CREB5: variants seen among roughly 807,000 people sequenced by gnomAD.
CREB5 encodes cyclic AMP-responsive element-binding protein 5.
CREB5 carries 19 observed loss-of-function variants against 57.1 expected under a neutral mutation model. The observed-to-expected ratio is 0.33, with a 90% CI of 0.23 to 0.49. The LOEUF (loss-of-function observed/expected upper bound fraction) is 0.49, where lower values mean the gene tolerates loss of function less well. CREB5 is among the 20% of genes least tolerant of loss of function. The pLI, the probability that CREB5 is intolerant of heterozygous loss-of-function variation, is 0.99. For synonymous variants in CREB5, 238 were observed against 238.3 expected (o/e 1.00, Z 0.01); for missense variants, 579 against 671.6 (o/e 0.86, Z 1.52).
rs373566279 is a variant in CREB5 at position 28,588,325 on chromosome 7, A to G, written c.464+17788A>G. ...CTTACTACATCAGATCCCATGTATT[A>G]TAGTTACATGGGGTTTGTTTCCACA... On this transcript the variant is annotated intron_variant, in intron 5 of 10. Coordinates refer to ENST00000357727, the MANE Select transcript of CREB5 (RefSeq NM_182898.4). Among the ~76,000 whole-genome samples the G allele has an allele frequency of 2.6e-5, 4 of 152,322 alleles. No homozygotes were observed. In the East Asian group the frequency reaches 7.7e-4, roughly 29 times the overall value.
rs1424611401 is a variant in CREB5 at position 28,807,573 on chromosome 7, T to A, written c.1027-1614T>A. 3.3e-5 allele frequency among the ~76,000 whole-genome samples: 5 copies of A among 152,210 alleles called. No individual in the cohort carries two copies. In the East Asian group the frequency reaches 7.7e-4, roughly 23 times the overall value. ...TGATAGAGTTTTGGATTAAAATACA[T>A]CACCATCAGTCAACTGATGTCAACC... On this transcript the variant is annotated intron_variant, in intron 8 of 10. Coordinates refer to ENST00000357727, the MANE Select transcript of CREB5 (RefSeq NM_182898.4).
chr7:28,556,818 G>C (rs1032125193), intron 4 of CREB5, among the ~76,000 whole-genome samples: 1 of 152,166 alleles, frequency 6.6e-6, no homozygotes, highest in Non-Finnish European at 1.5e-5. Flanking sequence ...ATCACTGCAG[G>C]TTCCAGGAAG....
chr7:28,411,850 G>T (rs1787818392), upstream of CREB5, among the ~76,000 whole-genome samples: 1 of 152,134 alleles, frequency 6.6e-6, no homozygotes, highest in African/African-American at 2.4e-5. Flanking sequence ...TCTGTGGCAG[G>T]ATTTAGTATT....
chr7:28,602,528 A>G (rs1796960116), intron 5 of CREB5, among the ~76,000 whole-genome samples: 1 of 152,230 alleles, frequency 6.6e-6, no homozygotes, highest in Non-Finnish European at 1.5e-5. Context: ...TTATTCAGCA[A>G]TGAAAAGTAA....
Position 28,819,062 on chromosome 7 carries a change from G to T in CREB5, c.1364-54G>T, listed in dbSNP as rs1809607696. ...GGAGTCCACAAGTCCATACAAAAAA[G>T]ACCTATATTGGTGTGTGTGTATGTG... On this transcript the variant is annotated intron_variant, in intron 10 of 10. Transcript: ENST00000357727. 16 of 1,549,730 alleles carry T rather than the reference G, an allele frequency of 1.0e-5. No homozygotes were observed. In the South Asian group the frequency reaches 1.6e-4, roughly 16 times the overall value.
intron 7 of CREB5, among the ~76,000 whole-genome samples, chr7:28,762,251 G>T (rs1805702510): frequency 6.6e-6 from 1 of 152,092 alleles, no homozygotes; most frequent in Non-Finnish European, 1.5e-5. Flanking sequence ...TAAATCTGAA[G>T]ATAAAATAAA....
chr7:28,342,086 A>G (rs1201886824), intron 1 of CREB5, among the ~76,000 whole-genome samples: 3 of 152,228 alleles, frequency 2.0e-5, no homozygotes, highest in Non-Finnish European at 4.4e-5. Flanking sequence ...CAGCACCTGG[A>G]CAGTCTTGAA....
At chr7:28,608,106 C>G (rs1050647449) in intron 5 of CREB5, among the ~76,000 whole-genome samples, 1 of 34,030 alleles carries the variant, frequency 2.9e-5, no homozygotes, top group Non-Finnish European at 5.2e-5. Context: ...CTCTCTCTCT[C>G]TCTCTCTCAC....
chr7:28,366,230 G>A (rs1012608752), intron 1 of CREB5, among the ~76,000 whole-genome samples: 1 of 151,956 alleles, frequency 6.6e-6, no homozygotes, highest in Admixed American at 6.6e-5. Flanking sequence ...TTCCTATAAG[G>A]CTCTGTAAGT....
chr7:28,657,101 A>C (rs1799361056), intron 5 of CREB5, among the ~76,000 whole-genome samples: 1 of 152,140 alleles, frequency 6.6e-6, no homozygotes, highest in South Asian at 2.1e-4. Context: ...TCCTGAAAAT[A>C]CACCTGTCCA....
chr7:28,517,109 C>A (rs1175089752), intron 4 of CREB5, among the ~76,000 whole-genome samples: 1 of 152,174 alleles, frequency 6.6e-6, no homozygotes, highest in African/African-American at 2.4e-5. Flanking sequence ...AAACAGCATT[C>A]ACATTTGGAA....
At chr7:28,685,622 A>C (rs1800841121) in intron 5 of CREB5, among the ~76,000 whole-genome samples, 1 of 145,224 alleles carries the variant, frequency 6.9e-6, no homozygotes. Flanking sequence ...CCATCTCTAC[A>C]CGTGTCTTGA....
At chr7:28,557,325 G>A (rs1311834434) in intron 4 of CREB5, among the ~76,000 whole-genome samples, 1 of 152,102 alleles carries the variant, frequency 6.6e-6, no homozygotes. Flanking sequence ...AAAAATTAAG[G>A]AATATGATAG....
At chr7:28,600,769 G>C (rs167459) in intron 5 of CREB5, among the ~76,000 whole-genome samples, 147,975 of 152,300 alleles carry the variant, frequency 0.97, 71,985 homozygotes, top group Middle Eastern at 0.99. Context: ...CTGGAGCTAT[G>C]AAAAAGTAAG....
chr7:28,722,120 T>C (rs1803064899), intron 6 of CREB5, among the ~76,000 whole-genome samples: 1 of 152,238 alleles, frequency 6.6e-6, no homozygotes, highest in African/African-American at 2.4e-5. Flanking sequence ...ATTTTTTAAA[T>C]AGATAAATCA....
chr7:28,324,056 T>G (rs1785536080), intron 1 of CREB5, among the ~76,000 whole-genome samples: 1 of 152,188 alleles, frequency 6.6e-6, no homozygotes, highest in Non-Finnish European at 1.5e-5. Flanking sequence ...GGAGAGCGGC[T>G]GTAAACACAG....
chr7:28,316,323 G>A (rs1046223685), intron 1 of CREB5, among the ~76,000 whole-genome samples: 2 of 152,086 alleles, frequency 1.3e-5, no homozygotes, highest in African/African-American at 4.8e-5. Flanking sequence ...AGTCATTGGA[G>A]CCAGGGAAAT....
At chr7:28,704,779 T>C (rs1562584275) in intron 5 of CREB5, among the ~76,000 whole-genome samples, 1 of 152,108 alleles carries the variant, frequency 6.6e-6, no homozygotes, top group East Asian at 1.9e-4. Flanking sequence ...CTTGATCATA[T>C]CTACTCATTT....
chr7:28,420,596 C>A (rs1788205390), intron 1 of CREB5, among the ~76,000 whole-genome samples: 1 of 152,058 alleles, frequency 6.6e-6, no homozygotes, highest in Non-Finnish European at 1.5e-5. Context: ...CACTTGAGGT[C>A]AGGAGTTCAA....
Sources: gnomAD v4.1 joint callset for allele counts (sites outside exome capture counted in the v4.1 genomes callset) on GRCh38, gnomAD v4.1.1 for gene constraint, MANE v1.5 for transcripts, NCBI Gene and HGNC (gene_info 2026-07-23, HGNC 2026-07-21) for gene names.